TNIK: variants seen among roughly 807,000 people sequenced by gnomAD.
TNIK encodes the protein TRAF2 and NCK interacting kinase, also known as TRAF2 and NCK-interacting protein kinase.
A neutral mutation model predicts 191.3 loss-of-function variants in TNIK; 49 were observed. The ratio of observed to expected loss-of-function variants is 0.26; its 90% CI spans 0.20 to 0.32. The LOEUF (loss-of-function observed/expected upper bound fraction) is 0.32. Among genes scored for constraint, TNIK ranks in the 10% least tolerant of loss-of-function variants. The pLI, the probability that TNIK is intolerant of heterozygous loss-of-function variation, is 1.00. For synonymous variants in TNIK, 594 were observed against 600.9 expected (o/e 0.99, Z 0.17); for missense variants, 1,155 against 1,702.3 (o/e 0.68, Z 5.66).
In TNIK at chr3:171,087,250, GC is replaced by G. The variant is rs1182976791; in HGVS notation, c.2886+91del. ...AAACCAACCAAACAAGTTTCAAGGA[GC>G]TTGGCGAAGCCTCATTCTTGAAGAG... On this transcript the variant is annotated intron_variant, in intron 24 of 32. Coordinates refer to ENST00000436636, the MANE Select transcript of TNIK (RefSeq NM_015028.4). The G allele has an allele frequency of 4.6e-6, 7 of 1,537,648 alleles. No homozygotes were observed. The East Asian group carries it at 1.6e-4, about 35-fold the overall frequency.
At chr3:171,435,423 G>A (rs897173050) in intron 1 of TNIK, among the ~76,000 whole-genome samples, 2 of 152,198 alleles carry the variant, frequency 1.3e-5, no homozygotes, top group African/African-American at 4.8e-5. Flanking sequence ...AAAGAAAAAG[G>A]ATGGGGATGA....
At position 171,110,716 on chromosome 3, in the gene TNIK, C is replaced by A; in HGVS notation, c.2282G>T (p.Arg761Leu). 1 of 1,587,650 alleles carries A rather than the reference C, an allele frequency of 6.3e-7. No homozygotes were observed. The highest frequency in any genetic ancestry group is 2.3e-5 in the East Asian group (1 of 43,950). ...QAGSSERTRV[R>L]ANSKSEGSPV... is the part of the protein sequence containing the mutation. ...GTAAAGGTAAGAGAAAGTTTTACCT[C>A]GAACTCTGGTGCGTTCACTGGATCC... The change falls in exon 19 of 33, where the codon CGA (arginine) becomes CTA (leucine). Residue 761 changes from arginine (R) to leucine (L), a missense_variant and splice_region_variant. Around this residue, in one of 3 missense-constraint regions of TNIK, gnomAD observed 735 missense variants for 848.0 expected, o/e 0.87. Coordinates refer to ENST00000436636, the MANE Select transcript of TNIK (RefSeq NM_015028.4).
At position 171,313,932 on chromosome 3, in the gene TNIK, G is replaced by A. The variant is rs954179750; in HGVS notation, c.123+55688C>T. ...CTGATAAGTGTGATGCTCTATAGTC[G>A]TTGCCGGAATGGGCTAGGGTACAAA... is the stretch of plus-strand genomic sequence containing the variant. On this transcript the variant is annotated intron_variant, in intron 2 of 32. Coordinates refer to ENST00000436636, the MANE Select transcript of TNIK (RefSeq NM_015028.4). Among the ~76,000 whole-genome samples, 14 of 152,220 alleles carry A rather than the reference G, an allele frequency of 9.2e-5. No individual in the cohort carries two copies. In the East Asian group the frequency reaches 1.5e-3, roughly 17 times the overall value.
chr3:171,409,126 T>C (rs1177215070), intron 1 of TNIK, among the ~76,000 whole-genome samples: 1 of 152,174 alleles, frequency 6.6e-6, no homozygotes, highest in Admixed American at 6.5e-5. Context: ...CTCATACTCT[T>C]GGGTAAAATT....
intron 2 of TNIK, among the ~76,000 whole-genome samples, chr3:171,255,193 G>C (rs1020735711): frequency 6.6e-6 from 1 of 152,138 alleles, no homozygotes; most frequent in Non-Finnish European, 1.5e-5. Flanking sequence ...TGAAGTTCTT[G>C]AAAGAAACAT....
chr3:171,168,056 C>T (rs531303854), intron 9 of TNIK, among the ~76,000 whole-genome samples: 11 of 152,172 alleles, frequency 7.2e-5, no homozygotes, highest in Non-Finnish European at 2.9e-5. Context: ...AACCCCACGC[C>T]AGAGACCTGG....
intron 1 of TNIK, among the ~76,000 whole-genome samples, chr3:171,433,089 G>T (rs891667132): frequency 6.6e-6 from 1 of 152,022 alleles, no homozygotes; most frequent in African/African-American, 2.4e-5. Flanking sequence ...TTATGTAATG[G>T]GGACATTAAA....
At chr3:171,369,890 T>G (rs928564682) in intron 1 of TNIK, among the ~76,000 whole-genome samples, 1 of 152,216 alleles carries the variant, frequency 6.6e-6, no homozygotes. Context: ...TTTCTTTCCA[T>G]TTTACATTTC....
intron 2 of TNIK, among the ~76,000 whole-genome samples, chr3:171,337,859 C>T (rs1376496447): frequency 6.6e-6 from 1 of 152,130 alleles, no homozygotes; most frequent in African/African-American, 2.4e-5. Flanking sequence ...ACTACAAATG[C>T]CCTCAGGATA....
intron 1 of TNIK, among the ~76,000 whole-genome samples, chr3:171,413,574 C>A (rs1722672116): frequency 6.6e-6 from 1 of 152,192 alleles, no homozygotes; most frequent in African/African-American, 2.4e-5. Context: ...TGCTAAAGGA[C>A]CTCCTCTTCC....
chr3:171,381,337 C>T (rs1417891067), intron 1 of TNIK, among the ~76,000 whole-genome samples: 1 of 152,116 alleles, frequency 6.6e-6, no homozygotes, highest in Non-Finnish European at 1.5e-5. Flanking sequence ...TACTGCAAGG[C>T]CTCTCAAAGC....
At chr3:171,242,004 G>C (rs1039391282) in intron 2 of TNIK, among the ~76,000 whole-genome samples, 3 of 151,318 alleles carry the variant, frequency 2.0e-5, no homozygotes, top group Admixed American at 6.6e-5. Context: ...ATCACACACC[G>C]GGGCCTGTTG....
At chr3:171,089,945 A>C (rs1721850382) in intron 23 of TNIK, among the ~76,000 whole-genome samples, 1 of 152,136 alleles carries the variant, frequency 6.6e-6, no homozygotes, top group Non-Finnish European at 1.5e-5. Flanking sequence ...TCTGGGCTGC[A>C]CTGTTGTATT....
chr3:171,316,145 A>G (rs1237116960), intron 2 of TNIK, among the ~76,000 whole-genome samples: 1 of 152,116 alleles, frequency 6.6e-6, no homozygotes, highest in African/African-American at 2.4e-5. Flanking sequence ...CATCTCTGCC[A>G]GAAGACTGTA....
intron 1 of TNIK, among the ~76,000 whole-genome samples, chr3:171,413,480 G>C (rs956076418): frequency 6.6e-6 from 1 of 152,056 alleles, no homozygotes; most frequent in African/African-American, 2.4e-5. Flanking sequence ...TCCCACCTCT[G>C]CATCTTTGCA....
intron 23 of TNIK, among the ~76,000 whole-genome samples, chr3:171,091,899 T>C (rs572318648): frequency 6.6e-6 from 1 of 151,980 alleles, no homozygotes; most frequent in South Asian, 2.1e-4. Context: ...GGTTCCTTAA[T>C]AGATCAAATT....
intron 2 of TNIK, chr3:171,347,131 G>C: frequency 6.6e-7 from 1 of 1,514,928 alleles, no homozygotes; most frequent in Non-Finnish European, 8.8e-7. Flanking sequence ...AGCTGGGCTT[G>C]GTGATGAAAT....
intron 2 of TNIK, among the ~76,000 whole-genome samples, chr3:171,256,879 G>A (rs1033464294): frequency 6.6e-6 from 1 of 152,176 alleles, no homozygotes; most frequent in African/African-American, 2.4e-5. Flanking sequence ...TTCCCCAGGG[G>A]TGAGTGTGTG....
intron 4 of TNIK, among the ~76,000 whole-genome samples, chr3:171,201,210 A>C (rs946710257): frequency 2.6e-5 from 4 of 151,952 alleles, no homozygotes; most frequent in African/African-American, 4.8e-5. Flanking sequence ...GACCAGCCTG[A>C]CCAACATGGA....
Sources: allele counts gnomAD v4.1 joint callset (sites outside exome capture counted in the v4.1 genomes callset), GRCh38; gene constraint gnomAD v4.1.1; regional missense constraint gnomAD v4.1.1; transcripts MANE v1.5; gene names NCBI Gene and HGNC (gene_info 2026-07-23, HGNC 2026-07-21).